Variants in CMIP observed in about 807,000 individuals in gnomAD.
CMIP encodes the protein c-Maf inducing protein.
CMIP carries 13 observed loss-of-function variants against 97.3 expected under a neutral mutation model. The observed-to-expected ratio is 0.13, with a 90% CI of 0.09 to 0.21. The LOEUF (loss-of-function observed/expected upper bound fraction) is 0.21, where lower values mean the gene tolerates loss of function less well. CMIP is among the 10% of genes least tolerant of loss of function. The probability of loss-of-function intolerance (pLI) is 1.00; values close to 1 mark genes in which losing one functional copy is unlikely to be tolerated. For synonymous variants in CMIP, 538 were observed against 436.3 expected (o/e 1.23, Z -2.91); for missense variants, 847 against 1,024.9 (o/e 0.83, Z 2.37).
chr16:81,501,601 T>G (rs1357223748), intron 1 of CMIP, among the ~76,000 whole-genome samples: 1 of 150,400 alleles, frequency 6.6e-6, no homozygotes, highest in Non-Finnish European at 1.5e-5. Context: ...TAGGTTTGAC[T>G]CTGGTTCTTT....
Position 81,710,204 on chromosome 16 carries a change from A to G in CMIP, c.*405A>G. The G allele has an allele frequency of 3.9e-6, 1 of 254,922 alleles. No homozygotes were observed. The highest frequency in any genetic ancestry group is 7.7e-6 in the Non-Finnish European group (1 of 129,058). 15.8% of individuals were successfully genotyped at this position (254,922 alleles called of 1,614,324 possible). A position where few individuals can be genotyped will look rare whatever the true frequency, so the allele number is the denominator to read the frequency against. On this transcript the variant is annotated 3_prime_UTR_variant, in exon 21 of 21. Coordinates refer to ENST00000537098, the MANE Select transcript of CMIP (RefSeq NM_198390.3). ...GCCGGACGAAGGATGCTTTCTTCCTAGAGGCTCCGAGCTGAGCTGCGAACT... is the reference window on the plus strand; with the variant it reads ...GCCGGACGAAGGATGCTTTCTTCCTGGAGGCTCCGAGCTGAGCTGCGAACT...
At chr16:81,696,811 G>C (rs372709386) in intron 14 of CMIP, 144 bp downstream of exon 14, 4 of 681,118 alleles carry the variant, frequency 5.9e-6, no homozygotes, top group African/African-American at 1.8e-5. Flanking sequence ...GGTGGTGGTG[G>C]TGGTGGTGGT....
intron 2 of CMIP, 187 bp from the exon 3 acceptor site, chr16:81,620,689 C>T: frequency 1.7e-6 from 1 of 603,662 alleles, no homozygotes; most frequent in Admixed American, 3.0e-5. Context: ...TCCTCCCTGA[C>T]CAGCCCTTCT....
intron 3 of CMIP, among the ~76,000 whole-genome samples, chr16:81,647,955 C>A (rs1344701357): frequency 2.2e-5 from 2 of 90,650 alleles, no homozygotes; most frequent in African/African-American, 4.7e-5. Flanking sequence ...CCCCCCGCAC[C>A]CGCAGAGCCG....
chr16:81,598,792 C>T (rs1483971900), intron 1 of CMIP, among the ~76,000 whole-genome samples: 1 of 151,962 alleles, frequency 6.6e-6, no homozygotes, highest in Non-Finnish European at 1.5e-5. Flanking sequence ...CATGGTGAAA[C>T]CCCATGTCTA....
At chr16:81,568,399 A>G (rs917089020) in intron 1 of CMIP, among the ~76,000 whole-genome samples, 1 of 152,084 alleles carries the variant, frequency 6.6e-6, no homozygotes, top group Non-Finnish European at 1.5e-5. Context: ...CATGTGAGGG[A>G]CAGATCAGCA....
intron 1 of CMIP, among the ~76,000 whole-genome samples, chr16:81,571,443 G>A (rs2091085843): frequency 6.6e-6 from 1 of 151,814 alleles, no homozygotes; most frequent in African/African-American, 2.4e-5. Context: ...ATTCCAGCCT[G>A]GATAATAGAG....
intron 1 of CMIP, among the ~76,000 whole-genome samples, chr16:81,566,530 C>T (rs912256909): frequency 3.9e-5 from 6 of 152,186 alleles, no homozygotes; most frequent in African/African-American, 1.4e-4. Context: ...GGGTATATTA[C>T]TAGATCTCTG....
At chr16:81,472,568 G>A (rs1277663863) in intron 1 of CMIP, among the ~76,000 whole-genome samples, 1 of 152,218 alleles carries the variant, frequency 6.6e-6, no homozygotes, top group African/African-American at 2.4e-5. Context: ...CCCCAACATG[G>A]GCCCTGCTCT....
At position 81,691,329 on chromosome 16, in the gene CMIP, TCC is replaced by T. The variant is rs1201498562; in HGVS notation, c.1389-445_1389-444del. Among the ~76,000 whole-genome samples the T allele has an allele frequency of 2.0e-4, 30 of 152,186 alleles. 1 individual carries two copies. The highest frequency in any genetic ancestry group is 1.3e-4 in the Admixed American group (2 of 15,276). On this transcript the variant is annotated intron_variant, in intron 10 of 20. Transcript: ENST00000537098. ...CGTGTTTCCTCTTCTTCTAAGGACA[TCC>T]GTCTACAGCCTCATTGTAACCTAAT... is the stretch of plus-strand genomic sequence containing the variant.
At chr16:81,634,947 C>A (rs1421924286) in intron 3 of CMIP, among the ~76,000 whole-genome samples, 4 of 152,188 alleles carry the variant, frequency 2.6e-5, no homozygotes, top group African/African-American at 9.7e-5. Context: ...AAGGGAAATC[C>A]TTATTTGGGA....
At chr16:81,551,000 C>G (rs1374159456) in intron 1 of CMIP, among the ~76,000 whole-genome samples, 1 of 123,018 alleles carries the variant, frequency 8.1e-6, no homozygotes, top group Non-Finnish European at 1.7e-5. Flanking sequence ...GCACCCCAGT[C>G]CCGTCACACG....
intron 7 of CMIP, among the ~76,000 whole-genome samples, chr16:81,668,279 C>G (rs1208297974): frequency 6.6e-6 from 1 of 152,120 alleles, no homozygotes; most frequent in Non-Finnish European, 1.5e-5. Flanking sequence ...TCCTGGGTGG[C>G]CAGACACAGC....
intron 2 of CMIP, among the ~76,000 whole-genome samples, chr16:81,611,865 C>T (rs761937057): frequency 1.3e-4 from 20 of 152,232 alleles, no homozygotes; most frequent in Non-Finnish European, 2.6e-4. Context: ...AGGCCCATGC[C>T]CCTCATCCCC....
At position 81,612,352 on chromosome 16, in the gene CMIP, G is replaced by A. The variant is rs574521990; in HGVS notation, c.426+4660G>A. Reference sequence around the variant, plus strand: ...CTTTCGGGGATGGGTTCCGGGACTCGGCTCTTCTCACCAATGTTCTGGAAA... The same window carrying A: ...CTTTCGGGGATGGGTTCCGGGACTCAGCTCTTCTCACCAATGTTCTGGAAA... On this transcript the variant is annotated intron_variant, in intron 2 of 20. Transcript: ENST00000537098. Among the ~76,000 whole-genome samples, 25 of 152,210 alleles carry A rather than the reference G, an allele frequency of 1.6e-4. No individual in the cohort carries two copies. The South Asian group carries it at 5.2e-3, about 32-fold the overall frequency.
chr16:81,526,178 G>A (rs1445976480), intron 1 of CMIP, among the ~76,000 whole-genome samples: 8 of 152,100 alleles, frequency 5.3e-5, no homozygotes, highest in African/African-American at 7.2e-5. Flanking sequence ...GCATTTTCTC[G>A]TCAGGAGTAA....
chr16:81,444,863 G>A lies in CMIP; in HGVS notation c.-379G>A, dbSNP rs1390940927. On this transcript the variant is annotated 5_prime_UTR_variant, in exon 1 of 21. Transcript: ENST00000537098. ...GCTCTGTACACACGCGCGCGGCGGC[G>A]CGGGGCCCCGAGACACGCCCGCCCC... Among the ~76,000 whole-genome samples, 4 of 143,026 alleles carry A rather than the reference G, an allele frequency of 2.8e-5. No individual in the cohort carries two copies. Among genetic ancestry groups the A allele is most frequent in the Non-Finnish European group, 4.7e-5 (3 of 64,450 alleles). The allele number at this position is 143,026 out of a possible 152,430, so 93.8% of individuals were successfully genotyped here. A position where few individuals can be genotyped will look rare whatever the true frequency, so the allele number is the denominator to read the frequency against.
chr16:81,540,359 C>T (rs1056173659), intron 1 of CMIP, among the ~76,000 whole-genome samples: 3 of 152,286 alleles, frequency 2.0e-5, no homozygotes, highest in African/African-American at 7.2e-5. Context: ...CTGGAGTACA[C>T]GGGCACAATC....
At chr16:81,517,799 C>A in intron 1 of CMIP, 1 of 200,812 alleles carries the variant, frequency 5.0e-6, no homozygotes, top group Non-Finnish European at 8.9e-6. Context: ...GGAAATGATC[C>A]CATCCTTCGG....
Sources: gnomAD v4.1 joint callset for allele counts (sites outside exome capture counted in the v4.1 genomes callset) on GRCh38, gnomAD v4.1.1 for gene constraint, MANE v1.5 for transcripts, NCBI Gene and HGNC (gene_info 2026-07-23, HGNC 2026-07-21) for gene names.